Variants in CFAP206 observed in about 807,000 individuals in gnomAD.
CFAP206 encodes cilia- and flagella-associated protein 206.
Under a neutral mutation model 65.4 loss-of-function variants are expected in CFAP206, and 53 were observed. That is an observed-to-expected ratio of 0.81 (90% CI 0.65 to 1.02). The LOEUF (loss-of-function observed/expected upper bound fraction) is 1.02. CFAP206 is among the 50% of genes least tolerant of loss of function. The pLI is 0.00. For synonymous variants in CFAP206, 250 were observed against 254.4 expected (o/e 0.98, Z 0.17); for missense variants, 663 against 753.2 (o/e 0.88, Z 1.40).
intron 12 of CFAP206, among the ~76,000 whole-genome samples, chr6:87,461,469 T>G (rs750980455): frequency 7.9e-5 from 12 of 152,154 alleles, no homozygotes; most frequent in Non-Finnish European, 1.3e-4. Context: ...CCATTCTTTT[T>G]TTTGTTTGTT....
Position 87,426,646 on chromosome 6 carries a change from G to A in CFAP206, c.960+1G>A, listed in dbSNP as rs767827677. ...AGCGGTCCCAACATCACAAGTCTTT[G>A]TAAGTATTTGTCATAAACTTTGACC... On this transcript the variant is annotated splice_donor_variant, in intron 8 of 12. Coordinates refer to ENST00000369562, the MANE Select transcript of CFAP206 (RefSeq NM_001031743.3). LOFTEE classifies it high-confidence loss of function. The A allele has an allele frequency of 1.3e-6, 2 of 1,570,156 alleles. No homozygotes were observed. Among genetic ancestry groups the A allele is most frequent in the East Asian group, 2.3e-5 (1 of 43,320 alleles).
At chr6:87,412,195 C>T (rs1767745927) in intron 3 of CFAP206, among the ~76,000 whole-genome samples, 1 of 152,154 alleles carries the variant, frequency 6.6e-6, no homozygotes, top group Admixed American at 6.5e-5. Flanking sequence ...TTTTTCTCAA[C>T]TAAAAATCAT....
chr6:87,417,624 A>G (rs1378865096), intron 6 of CFAP206, among the ~76,000 whole-genome samples: 3 of 151,736 alleles, frequency 2.0e-5, no homozygotes, highest in African/African-American at 7.3e-5. Context: ...TTCTGGAAGC[A>G]CATGGTTAAC....
At chr6:87,418,611 G>A (rs1201218492) in intron 7 of CFAP206, among the ~76,000 whole-genome samples, 195 bp downstream of exon 7, 1 of 152,190 alleles carries the variant, frequency 6.6e-6, no homozygotes, top group Non-Finnish European at 1.5e-5. Context: ...TATTTTGGTA[G>A]AAGTTGAATT....
At chr6:87,457,058 G>A (rs1047059740) in intron 11 of CFAP206, among the ~76,000 whole-genome samples, 6 of 150,938 alleles carry the variant, frequency 4.0e-5, no homozygotes, top group African/African-American at 1.5e-4. Context: ...GCTGAGGCAG[G>A]AGAATGGCAT....
intron 12 of CFAP206, among the ~76,000 whole-genome samples, chr6:87,462,925 C>T (rs921256793): frequency 6.6e-6 from 1 of 152,224 alleles, no homozygotes; most frequent in Non-Finnish European, 1.5e-5. Flanking sequence ...AGGGAAAACA[C>T]CACCTCAACA....
intron 5 of CFAP206, 39 bp from the exon 6 acceptor site, chr6:87,416,629 TC>T (rs1196949778): frequency 6.5e-7 from 1 of 1,538,186 alleles, no homozygotes; most frequent in Non-Finnish European, 8.8e-7. Flanking sequence ...CTTTATTCTA[TC>T]ATTTTGTTTT....
chr6:87,410,894 A>ATAGC (rs1767723870), intron 3 of CFAP206, among the ~76,000 whole-genome samples: 1 of 152,194 alleles, frequency 6.6e-6, no homozygotes, highest in African/African-American at 2.4e-5. Context: ...TGGTCAAAAG[A>ATAGC]TAGCTACCCT....
At chr6:87,460,141 C>CT (rs992793802) in intron 11 of CFAP206, among the ~76,000 whole-genome samples, 4 of 152,160 alleles carry the variant, frequency 2.6e-5, no homozygotes, top group African/African-American at 9.7e-5. Flanking sequence ...CTTCTCCCTC[C>CT]TTTTTACTGT....
intron 11 of CFAP206, among the ~76,000 whole-genome samples, chr6:87,455,474 TTAG>T (rs1768621987): frequency 6.6e-6 from 1 of 151,070 alleles, no homozygotes; most frequent in Non-Finnish European, 1.5e-5. Context: ...ACAGCCAAAA[TTAG>T]TAGATGAAAA....
At chr6:87,424,916 T>C (rs1347287288) in intron 7 of CFAP206, among the ~76,000 whole-genome samples, 2 of 152,242 alleles carry the variant, frequency 1.3e-5, no homozygotes, top group East Asian at 3.8e-4. Context: ...TATCCTGAAC[T>C]GCAAAAGCAG....
At chr6:87,460,822 G>A (rs1196549788) in intron 11 of CFAP206, among the ~76,000 whole-genome samples, 200 bp from the exon 12 acceptor site, 3 of 151,782 alleles carry the variant, frequency 2.0e-5, no homozygotes, top group Non-Finnish European at 4.4e-5. Context: ...ACAAAATCAC[G>A]AAGCCATAAT....
At chr6:87,440,737 C>G (rs1768348176) in intron 11 of CFAP206, among the ~76,000 whole-genome samples, 1 of 152,106 alleles carries the variant, frequency 6.6e-6, no homozygotes, top group Non-Finnish European at 1.5e-5. Flanking sequence ...ATGTAAAATT[C>G]TGGCAGCAAT....
intron 7 of CFAP206, among the ~76,000 whole-genome samples, chr6:87,419,028 C>G (rs1225917359): frequency 2.6e-5 from 4 of 151,852 alleles, no homozygotes; most frequent in Admixed American, 6.6e-5. Context: ...GGGAGGATCA[C>G]TTGAGCCCAG....
chr6:87,447,042 T>C (rs752417414), intron 11 of CFAP206, among the ~76,000 whole-genome samples: 3 of 152,184 alleles, frequency 2.0e-5, no homozygotes, highest in Non-Finnish European at 2.9e-5. Flanking sequence ...GCACATTGAT[T>C]TTGTATCCTG....
At chr6:87,424,284 T>A (rs553056092) in intron 7 of CFAP206, among the ~76,000 whole-genome samples, 9 of 152,316 alleles carry the variant, frequency 5.9e-5, no homozygotes, top group African/African-American at 2.2e-4. Flanking sequence ...ATAATTATTT[T>A]TTTTTATTTT....
chr6:87,446,733 G>A (rs1382165085), intron 11 of CFAP206, among the ~76,000 whole-genome samples: 2 of 152,142 alleles, frequency 1.3e-5, no homozygotes, highest in African/African-American at 4.8e-5. Flanking sequence ...TGTGAAGTAT[G>A]TCAATGGTGG....
intron 9 of CFAP206, among the ~76,000 whole-genome samples, chr6:87,429,375 G>A (rs1768114582): frequency 6.6e-6 from 1 of 152,142 alleles, no homozygotes; most frequent in Admixed American, 6.5e-5. Flanking sequence ...TTGTGCAGAT[G>A]TGTTTCTATT....
chr6:87,423,254 CT>C (rs1341544427), intron 7 of CFAP206, among the ~76,000 whole-genome samples: 75 of 132,450 alleles, frequency 5.7e-4, no homozygotes, highest in Non-Finnish European at 6.3e-4. Flanking sequence ...TTTTATTTTT[CT>C]TTTTTTTTTT....
Sources: gnomAD v4.1 joint callset for allele counts (sites outside exome capture counted in the v4.1 genomes callset) on GRCh38, gnomAD v4.1.1 for gene constraint, MANE v1.5 for transcripts, NCBI Gene and HGNC (gene_info 2026-07-23, HGNC 2026-07-21) for gene names.